CALN1: variants seen among roughly 807,000 people sequenced by gnomAD.
The protein encoded by CALN1 is calcium-binding protein 8.
A neutral mutation model predicts 30.6 loss-of-function variants in CALN1; 17 were observed. The ratio of observed to expected loss-of-function variants is 0.56; its 90% confidence interval spans 0.38 to 0.83. CALN1 has a LOEUF of 0.83. Among genes scored for constraint, CALN1 ranks in the 40% least tolerant of loss-of-function variants. CALN1 has a pLI of 0.00. For synonymous variants in CALN1, 156 were observed against 131.4 expected, an observed-to-expected ratio of 1.19 and a Z score of -1.28; for missense variants, 291 against 354.9, an observed-to-expected ratio of 0.82 and a Z score of 1.45.
intron 5 of CALN1, among the ~76,000 whole-genome samples, chr7:71,842,080 G>C (rs551372208): frequency 2.0e-5 from 3 of 152,002 alleles, no homozygotes; most frequent in African/African-American, 7.2e-5. Context: ...TACTGATTAG[G>C]AGAGAGAGAC....
At chr7:72,210,887 GAAAAAAATTAAA>G (rs1562742886) in intron 3 of CALN1, among the ~76,000 whole-genome samples, 3 of 151,208 alleles carry the variant, frequency 2.0e-5, no homozygotes, top group Non-Finnish European at 4.4e-5. Context: ...CCGGTCTCCA[GAAAAAAATTAAA>G]AAAAAAATTA....
At chr7:72,379,201 C>T (rs1026188596) in intron 2 of CALN1, among the ~76,000 whole-genome samples, 1 of 152,096 alleles carries the variant, frequency 6.6e-6, no homozygotes, top group African/African-American at 2.4e-5. Flanking sequence ...GTGATCACAG[C>T]TCACTACAAC....
At chr7:72,307,926 C>G (rs1799760332) in intron 2 of CALN1, among the ~76,000 whole-genome samples, 1 of 151,818 alleles carries the variant, frequency 6.6e-6, no homozygotes, top group Admixed American at 6.6e-5. Flanking sequence ...CAACCTAACC[C>G]AAGAGGGTGA....
At chr7:72,021,528 T>G (rs1800708491) in intron 5 of CALN1, among the ~76,000 whole-genome samples, 1 of 152,170 alleles carries the variant, frequency 6.6e-6, no homozygotes, top group Non-Finnish European at 1.5e-5. Flanking sequence ...GAAGGTTCCA[T>G]GAGCACTGCA....
chr7:72,418,615 T>TCC (rs779122473), intron 1 of CALN1, among the ~76,000 whole-genome samples: 28 of 151,104 alleles, frequency 1.9e-4, no homozygotes, highest in East Asian at 5.9e-4. Context: ...CTCTGTAGCT[T>TCC]CCCCGCCCCG....
intron 4 of CALN1, among the ~76,000 whole-genome samples, chr7:72,057,610 TAAAC>T (rs750753465): frequency 2.6e-5 from 4 of 152,152 alleles, no homozygotes; most frequent in African/African-American, 9.6e-5. Context: ...TCTAAGCAAA[TAAAC>T]AAAATAATTA....
chr7:72,501,928 A>AAAAATATATAT, the CALN1 span, among the ~76,000 whole-genome samples: 1 of 57,968 alleles, frequency 1.7e-5, no homozygotes, highest in Admixed American at 1.9e-4. Flanking sequence ...AAAAAAAAAA[A>AAAAATATATAT]ATATATATAT....
chr7:72,251,976 A>G (rs1350910423), intron 3 of CALN1, among the ~76,000 whole-genome samples: 1 of 152,208 alleles, frequency 6.6e-6, no homozygotes, highest in African/African-American at 2.4e-5. Flanking sequence ...TAATTGATCA[A>G]TCATTAAGGT....
intron 2 of CALN1, among the ~76,000 whole-genome samples, chr7:72,303,718 T>C (rs1799455030): frequency 6.6e-6 from 1 of 152,048 alleles, no homozygotes; most frequent in African/African-American, 2.4e-5. Context: ...CTATAAATGT[T>C]ACAGCACTAG....
chr7:72,161,753 C>T (rs527522398), intron 3 of CALN1, among the ~76,000 whole-genome samples: 4 of 151,736 alleles, frequency 2.6e-5, no homozygotes, highest in East Asian at 1.9e-4. Flanking sequence ...GCAACACACA[C>T]GGGGGCCTGT....
At chr7:72,499,826 C>T in the CALN1 span, among the ~76,000 whole-genome samples, 1,956 of 52,766 alleles carry the variant, frequency 0.037, 60 homozygotes, top group African/African-American at 0.09. Context: ...TCCTTCCTTC[C>T]TTCTTTCTTT....
chr7:72,274,755 TA>T (rs1193455921), intron 3 of CALN1, among the ~76,000 whole-genome samples: 2 of 152,148 alleles, frequency 1.3e-5, no homozygotes, highest in Non-Finnish European at 2.9e-5. Flanking sequence ...CTCCTCCACC[TA>T]GTAAATATCC....
chr7:71,819,460 T>A (rs1403268666), intron 5 of CALN1, among the ~76,000 whole-genome samples: 1 of 152,186 alleles, frequency 6.6e-6, no homozygotes, highest in African/African-American at 2.4e-5. Flanking sequence ...CGCCTTGGCC[T>A]CCCAAAGTGT....
chr7:72,336,993 G>C, intron 2 of CALN1: 2 of 985,514 alleles, frequency 2.0e-6, no homozygotes, highest in South Asian at 4.7e-5. Context: ...CCCTGTCCTT[G>C]TCCTCTGCTC....
the CALN1 span, among the ~76,000 whole-genome samples, chr7:72,457,067 G>A: frequency 1.5e-5 from 2 of 135,260 alleles, no homozygotes; most frequent in East Asian, 4.4e-4. Flanking sequence ...GGAGTGCAGT[G>A]ATGCAATCTC....
chr7:72,434,754 G>A (rs1054592472), intron 1 of CALN1, among the ~76,000 whole-genome samples: 36 of 152,148 alleles, frequency 2.4e-4, no homozygotes, highest in African/African-American at 7.0e-4. Flanking sequence ...CTCTGAAAAC[G>A]AGTAAACATC....
chr7:72,364,944 C>A (rs113610961), intron 2 of CALN1, among the ~76,000 whole-genome samples: 2 of 148,230 alleles, frequency 1.3e-5, no homozygotes, highest in South Asian at 2.2e-4. Context: ...CCAAGGCAGG[C>A]GGATCACCTG....
intron 2 of CALN1, among the ~76,000 whole-genome samples, chr7:72,291,952 G>C (rs1276234061): frequency 6.6e-6 from 1 of 150,856 alleles, no homozygotes; most frequent in East Asian, 1.9e-4. Flanking sequence ...GGTATTAGCA[G>C]ATAGGGGCCA....
At chr7:72,461,264 A>T in the CALN1 span, among the ~76,000 whole-genome samples, 1 of 152,222 alleles carries the variant, frequency 6.6e-6, no homozygotes, top group East Asian at 1.9e-4. Context: ...GATTTCTCAA[A>T]GAACTGAAAC....
Sources: allele counts gnomAD v4.1 joint callset (sites outside exome capture counted in the v4.1 genomes callset), GRCh38; gene constraint gnomAD v4.1.1; transcripts MANE v1.5; gene names NCBI Gene and HGNC (gene_info 2026-07-23, HGNC 2026-07-21).